Variants in CCDC69 observed in about 807,000 individuals in gnomAD.
CCDC69 encodes the protein coiled-coil domain-containing protein 69.
Under a neutral mutation model 40.3 loss-of-function variants are expected in CCDC69, and 38 were observed. The ratio of observed to expected loss-of-function variants is 0.94; its 90% confidence interval spans 0.73 to 1.24. CCDC69 has a LOEUF of 1.24. Ranked by LOEUF, CCDC69 falls within the 50% of genes most tolerant of loss-of-function variation. The pLI is 0.00. For synonymous variants in CCDC69, 141 were observed against 138.9 expected, an observed-to-expected ratio of 1.02 and a Z score of -0.11; for missense variants, 389 against 357.9, an observed-to-expected ratio of 1.09 and a Z score of -0.70.
chr5:151,203,738 T>C (rs1257683919), intron 2 of CCDC69, among the ~76,000 whole-genome samples: 2 of 137,856 alleles, frequency 1.5e-5, no homozygotes, highest in African/African-American at 5.4e-5. Context: ...ATATAGTATA[T>C]ATAATATATA....
intron 4 of CCDC69, among the ~76,000 whole-genome samples, chr5:151,188,203 A>G (rs1371676568): frequency 6.6e-6 from 1 of 152,244 alleles, no homozygotes; most frequent in African/African-American, 2.4e-5. Context: ...CTCAGCTGAA[A>G]AAAGACAATG....
At chr5:151,191,515 A>T (rs1361841508) in intron 4 of CCDC69, among the ~76,000 whole-genome samples, 1 of 152,224 alleles carries the variant, frequency 6.6e-6, no homozygotes, top group African/African-American at 2.4e-5. Context: ...AATACAAACT[A>T]TGTTCTCTGA....
chr5:151,223,838 G>C (rs1265089786), intron 1 of CCDC69, 85 bp downstream of exon 1: 18 of 1,378,412 alleles, frequency 1.3e-5, no homozygotes, highest in Non-Finnish European at 8.0e-6. Flanking sequence ...ACCAGAGAGA[G>C]CCCGGGGCGC....
In CCDC69 at chr5:151,183,576, AG is replaced by A. The variant is rs1358923407; in HGVS notation, c.751del (p.Leu251TrpfsTer157). On this transcript the variant is annotated frameshift_variant, in exon 9 of 9. Transcript: ENST00000355417. LOFTEE classifies it high-confidence loss of function. ...TCGCCGCAGCTGCACCTCCTTCTCC[AG>A]GGCCTCACGCGTGAGAAGCAGGTCT... ...SEDLLLTREA[L>X]EKEVQLRRQL... 6.2e-7 allele frequency: 1 copy of A among 1,612,490 alleles called. No individual in the cohort carries two copies. Among genetic ancestry groups the A allele is most frequent in the Non-Finnish European group, 8.5e-7 (1 of 1,179,608 alleles).
At chr5:151,215,023 A>C (rs1753017115) in intron 1 of CCDC69, among the ~76,000 whole-genome samples, 1 of 152,208 alleles carries the variant, frequency 6.6e-6, no homozygotes, top group Non-Finnish European at 1.5e-5. Flanking sequence ...TGGTTGCCTC[A>C]GAGGGCCTGG....
intron 1 of CCDC69, among the ~76,000 whole-genome samples, chr5:151,223,673 C>G (rs562988504): frequency 1.3e-5 from 2 of 152,356 alleles, no homozygotes; most frequent in African/African-American, 4.8e-5. Context: ...CCACCCGAGG[C>G]AGCGGGAATC....
chr5:151,187,202 C>G (rs962136729), intron 5 of CCDC69, among the ~76,000 whole-genome samples, 184 bp downstream of exon 5: 2 of 152,256 alleles, frequency 1.3e-5, no homozygotes, highest in African/African-American at 4.8e-5. Context: ...ATTTCACACT[C>G]AGTCCTCTTG....
chr5:151,194,689 T>A lies in CCDC69; in HGVS notation c.319+4308A>T, dbSNP rs57033320. Among the ~76,000 whole-genome samples the A allele has an allele frequency of 6.6e-3, 1,001 of 152,218 alleles. 15 individuals are homozygous for A. The highest frequency in any genetic ancestry group is 0.023 in the African/African-American group (961 of 41,520). On this transcript the variant is annotated intron_variant, in intron 4 of 8. Transcript: ENST00000355417. ...GCGGGTGGATCACGAGGTCAGGAGT[T>A]GAAGACCAGCCTGACCAAGATGGTG...
chr5:151,201,558 G>A (rs752012029), intron 3 of CCDC69, 24 bp downstream of exon 3: 4 of 1,510,504 alleles, frequency 2.6e-6, no homozygotes, highest in African/African-American at 2.8e-5. Flanking sequence ...GAGAAAGACA[G>A]GGGGTGGGGG....
At chr5:151,218,821 G>A (rs757062113) in intron 1 of CCDC69, among the ~76,000 whole-genome samples, 1 of 152,166 alleles carries the variant, frequency 6.6e-6, no homozygotes, top group Non-Finnish European at 1.5e-5. Context: ...CTGGGAACTC[G>A]TCAGGCTCTC....
intron 1 of CCDC69, chr5:151,212,767 T>G (rs1257804112): frequency 6.6e-6 from 3 of 456,034 alleles, no homozygotes; most frequent in South Asian, 4.6e-5. Context: ...AGCAGGAATG[T>G]CATGGGTAGA....
At chr5:151,198,227 C>A (rs1053650839) in intron 4 of CCDC69, among the ~76,000 whole-genome samples, 1 of 152,096 alleles carries the variant, frequency 6.6e-6, no homozygotes, top group African/African-American at 2.4e-5. Context: ...TTCAAGGTTA[C>A]AGAGCTGGTA....
chr5:151,215,658 G>T (rs773257004), intron 1 of CCDC69: 7 of 403,974 alleles, frequency 1.7e-5, no homozygotes, highest in South Asian at 1.2e-4. Flanking sequence ...ACAGTGTAAG[G>T]GTGGTTGTAA....
At chr5:151,194,124 G>A (rs1055944002) in intron 4 of CCDC69, among the ~76,000 whole-genome samples, 1 of 152,142 alleles carries the variant, frequency 6.6e-6, no homozygotes, top group Admixed American at 6.5e-5. Context: ...ATAAAATAGT[G>A]GTCACTCTGG....
At chr5:151,207,156 G>A (rs1752864223) in intron 1 of CCDC69, among the ~76,000 whole-genome samples, 1 of 152,092 alleles carries the variant, frequency 6.6e-6, no homozygotes, top group South Asian at 2.1e-4. Context: ...GGCCTCAAGT[G>A]ATCTGCCCAC....
Position 151,194,333 on chromosome 5 carries a change from T to A in CCDC69, c.319+4664A>T, listed in dbSNP as rs565741212. Among the ~76,000 whole-genome samples, 82 of 152,260 alleles carry A rather than the reference T, an allele frequency of 5.4e-4. 4 individuals carry two copies. The South Asian group carries it at 0.016, about 30-fold the overall frequency. On this transcript the variant is annotated intron_variant, in intron 4 of 8. Coordinates refer to ENST00000355417, the MANE Select transcript of CCDC69 (RefSeq NM_015621.3). ...TAAACAATGGAATATAACTCCACAA[T>A]GAAAATGTATGAATTATTGAGATAT...
chr5:151,212,794 T>A (rs1400376516), intron 1 of CCDC69: 1 of 456,056 alleles, frequency 2.2e-6, no homozygotes, highest in South Asian at 1.5e-5. Flanking sequence ...TGGCGTGTCA[T>A]CTACAGCCTT....
At chr5:151,203,359 AT>A (rs1305578983) in intron 2 of CCDC69, among the ~76,000 whole-genome samples, 1 of 151,460 alleles carries the variant, frequency 6.6e-6, no homozygotes, top group Non-Finnish European at 1.5e-5. Context: ...ATACAAAAAA[AT>A]TTAGGTGGGC....
intron 3 of CCDC69, among the ~76,000 whole-genome samples, chr5:151,201,001 C>G (rs1483922863): frequency 2.0e-5 from 3 of 152,220 alleles, no homozygotes; most frequent in South Asian, 2.1e-4. Context: ...CCATAACAAA[C>G]AATGACAAAG....
Sources: gnomAD v4.1 joint callset for allele counts (sites outside exome capture counted in the v4.1 genomes callset) on GRCh38, gnomAD v4.1.1 for gene constraint, MANE v1.5 for transcripts, NCBI Gene and HGNC (gene_info 2026-07-23, HGNC 2026-07-21) for gene names.